Variants in VPS50 observed in about 807,000 individuals in gnomAD.
The protein encoded by VPS50 is syndetin.
A neutral mutation model predicts 139.7 loss-of-function variants in VPS50; 70 were observed. The ratio of observed to expected loss-of-function variants is 0.50; its 90% CI spans 0.41 to 0.61. The LOEUF (loss-of-function observed/expected upper bound fraction) is 0.61. Ranked by LOEUF, VPS50 falls within the 20% of genes least tolerant of loss-of-function variation. The pLI is 0.00. For missense variants in VPS50, 921 were observed against 1,133.7 expected, an observed-to-expected ratio of 0.81 and a Z score of 2.69; for synonymous variants, 365 against 376.7, an observed-to-expected ratio of 0.97 and a Z score of 0.36.
At chr7:93,296,426 T>A (rs912433370) in intron 14 of VPS50, among the ~76,000 whole-genome samples, 1 of 152,152 alleles carries the variant, frequency 6.6e-6, no homozygotes, top group African/African-American at 2.4e-5. Context: ...CAATAGGCCT[T>A]AAGTGTACTT....
intron 16 of VPS50, among the ~76,000 whole-genome samples, chr7:93,300,168 A>G (rs965411954): frequency 6.6e-6 from 1 of 152,162 alleles, no homozygotes; most frequent in African/African-American, 2.4e-5. Context: ...AAGAAATTAT[A>G]TGTCTTTTGA....
chr7:93,259,810 G>C (rs17147430), intron 9 of VPS50, among the ~76,000 whole-genome samples, 178 bp downstream of exon 9: 14,235 of 152,196 alleles, frequency 0.094, 712 homozygotes, highest in East Asian at 0.18. Context: ...AGGTGTGAAA[G>C]ATCAGATACT....
chr7:93,318,968 A>G (rs1293065680), intron 20 of VPS50, among the ~76,000 whole-genome samples: 2 of 152,182 alleles, frequency 1.3e-5, no homozygotes, highest in African/African-American at 4.8e-5. Flanking sequence ...ATATAGCAAA[A>G]GTAGAAAAGC....
At chr7:93,277,514 T>C (rs1796194425) in intron 12 of VPS50, among the ~76,000 whole-genome samples, 1 of 152,330 alleles carries the variant, frequency 6.6e-6, no homozygotes, top group African/African-American at 2.4e-5. Context: ...ATGAATTTCT[T>C]TGTCAAACCT....
intron 27 of VPS50, 75 bp from the exon 28 acceptor site, chr7:93,358,242 C>T (rs996427510): frequency 3.1e-5 from 42 of 1,354,170 alleles, no homozygotes; most frequent in Middle Eastern, 1.8e-4. Context: ...CCTGAATATC[C>T]GCCTGTTCTT....
At chr7:93,265,646 C>T (rs1795819262) in intron 9 of VPS50, among the ~76,000 whole-genome samples, 1 of 152,092 alleles carries the variant, frequency 6.6e-6, no homozygotes, top group African/African-American at 2.4e-5. Flanking sequence ...TTCACTGCAA[C>T]CTCTGCCTCC....
At chr7:93,328,880 A>G (rs1463752440) in intron 21 of VPS50, among the ~76,000 whole-genome samples, 2 of 152,230 alleles carry the variant, frequency 1.3e-5, no homozygotes, top group Non-Finnish European at 2.9e-5. Context: ...ATGTGATTCC[A>G]TGATCCATGA....
intron 13 of VPS50, 142 bp downstream of exon 13, chr7:93,291,977 A>C: frequency 1.8e-6 from 1 of 559,726 alleles, no homozygotes; most frequent in Non-Finnish European, 3.0e-6. Flanking sequence ...GAGCAAAGAA[A>C]GTGATTCAGC....
At chr7:93,264,544 A>G (rs1795781805) in intron 9 of VPS50, among the ~76,000 whole-genome samples, 1 of 152,220 alleles carries the variant, frequency 6.6e-6, no homozygotes, top group Non-Finnish European at 1.5e-5. Context: ...CTGCTGAACT[A>G]GTTTCTTGAG....
intron 19 of VPS50, among the ~76,000 whole-genome samples, chr7:93,309,299 G>A (rs1274230021): frequency 6.6e-6 from 1 of 151,950 alleles, no homozygotes; most frequent in Non-Finnish European, 1.5e-5. Context: ...TAGTGTTAAT[G>A]TAGCTTTCCT....
In VPS50 at chr7:93,334,158, A is replaced by G; in HGVS notation, c.2019A>G (p.Arg673=). Residue 673 remains arginine, a synonymous_variant, in exon 22 of 28, where the codon AGA becomes AGG. Coordinates refer to ENST00000305866, the MANE Select transcript of VPS50 (RefSeq NM_017667.4). The part of the protein sequence containing the change: ...TGLGLSSSRL[R]TTLNRIQESL... Reference sequence around the variant, plus strand: ...TCGGCCTTAGTAGTAGTAGACTAAGAACAACTCTAAACAGAATACAAGAAA... The same window carrying G: ...TCGGCCTTAGTAGTAGTAGACTAAGGACAACTCTAAACAGAATACAAGAAA... The G allele has an allele frequency of 6.3e-7, 1 of 1,596,670 alleles. No individual in the cohort carries two copies. Among genetic ancestry groups the G allele is most frequent in the Non-Finnish European group, 8.6e-7 (1 of 1,167,866 alleles).
At chr7:93,261,663 G>A (rs1233457577) in intron 9 of VPS50, among the ~76,000 whole-genome samples, 3 of 141,022 alleles carry the variant, frequency 2.1e-5, no homozygotes, top group African/African-American at 8.1e-5. Flanking sequence ...GGGCCACAGA[G>A]CGAGACTCCG....
chr7:93,248,157 T>C (rs1795211804), intron 2 of VPS50, among the ~76,000 whole-genome samples: 1 of 151,938 alleles, frequency 6.6e-6, no homozygotes, highest in Admixed American at 6.6e-5. Context: ...AAGACTGAAA[T>C]ATTTTATCCT....
At chr7:93,297,325 T>C (rs1796840270) in intron 16 of VPS50, 82 bp downstream of exon 16, 7 of 1,292,408 alleles carry the variant, frequency 5.4e-6, no homozygotes, top group Non-Finnish European at 6.0e-6. Flanking sequence ...ATAGCATTAA[T>C]TGATTTTAAA....
chr7:93,340,541 T>C (rs2117058571), intron 22 of VPS50: 1 of 152,332 alleles, frequency 6.6e-6, no homozygotes, highest in East Asian at 1.9e-4. Context: ...TATTGAGAAG[T>C]TGAGTAAGTG....
At chr7:93,326,466 A>AT (rs1797782756) in intron 21 of VPS50, among the ~76,000 whole-genome samples, 13 of 151,066 alleles carry the variant, frequency 8.6e-5, no homozygotes, top group Admixed American at 8.6e-4. Context: ...AAAAAAAATA[A>AT]AATAAAATAA....
chr7:93,267,014 A>G (rs1795861876), intron 9 of VPS50, among the ~76,000 whole-genome samples: 2 of 152,206 alleles, frequency 1.3e-5, no homozygotes, highest in African/African-American at 2.4e-5. Flanking sequence ...AATGGGATAT[A>G]GAATTACTTA....
chr7:93,337,170 T>C (rs1308164320), intron 22 of VPS50, among the ~76,000 whole-genome samples: 1 of 152,218 alleles, frequency 6.6e-6, no homozygotes, highest in Non-Finnish European at 1.5e-5. Flanking sequence ...CAAATAATTA[T>C]CATAAATTTT....
intron 17 of VPS50, 75 bp from the exon 18 acceptor site, chr7:93,305,753 A>C: frequency 2.0e-6 from 2 of 993,260 alleles, no homozygotes; most frequent in Middle Eastern, 2.2e-4. Flanking sequence ...CTCTACATGT[A>C]TATTGAGGGA....
Sources: allele counts gnomAD v4.1 joint callset (sites outside exome capture counted in the v4.1 genomes callset), GRCh38; gene constraint gnomAD v4.1.1; transcripts MANE v1.5; gene names NCBI Gene and HGNC (gene_info 2026-07-23, HGNC 2026-07-21).